The following ROBO2 variants were observed in gnomAD, a reference collection of about 807,000 sequenced individuals.
ROBO2 encodes the protein roundabout homolog 2.
ROBO2 carries 53 observed loss-of-function variants against 160.8 expected under a neutral mutation model. The observed-to-expected ratio is 0.33, with a 90% CI of 0.26 to 0.41. The LOEUF is 0.41. Ranked by LOEUF, ROBO2 falls within the 10% of genes least tolerant of loss-of-function variation. The probability of loss-of-function intolerance (pLI) is 1.00; values close to 1 mark genes in which losing one functional copy is unlikely to be tolerated. For missense variants in ROBO2, 1,577 were observed against 1,722.4 expected (o/e 0.92, Z 1.49); for synonymous variants, 664 against 611.7 (o/e 1.09, Z -1.26).
In ROBO2 at chr3:76,084,094, C is replaced by T. The variant is rs370354482; in HGVS notation, c.109+146492C>T. ...AATGGAATTCCTAGGAAAAAGCAGA[C>T]ACTTTTGTGCTCTTTCGTGAGGGAA... On this transcript the variant is annotated intron_variant, in intron 2 of 26. Transcript: ENST00000487694. Among the ~76,000 whole-genome samples, 22 of 152,232 alleles carry T rather than the reference C, an allele frequency of 1.4e-4. No homozygotes were observed. The South Asian group carries it at 3.9e-3, about 27-fold the overall frequency.
intron 2 of ROBO2, among the ~76,000 whole-genome samples, chr3:77,221,572 A>G (rs1205887364): frequency 6.6e-6 from 1 of 152,060 alleles, no homozygotes; most frequent in Non-Finnish European, 1.5e-5. Flanking sequence ...GTCTCTCCCT[A>G]GATTGATCTT....
intron 2 of ROBO2, among the ~76,000 whole-genome samples, chr3:76,189,361 A>T (rs1701905168): frequency 6.6e-6 from 1 of 152,150 alleles, no homozygotes; most frequent in Non-Finnish European, 1.5e-5. Context: ...ATTAATGAGG[A>T]TAAAGAGTAG....
intron 2 of ROBO2, among the ~76,000 whole-genome samples, chr3:76,370,169 CT>C (rs1208594291): frequency 6.6e-6 from 1 of 150,588 alleles, no homozygotes; most frequent in Non-Finnish European, 1.5e-5. Context: ...ATAAATTTTT[CT>C]TTTTTTTTGG....
intron 2 of ROBO2, among the ~76,000 whole-genome samples, chr3:76,814,116 A>C (rs1005259342): frequency 9.9e-5 from 15 of 152,168 alleles, no homozygotes; most frequent in African/African-American, 3.6e-4. Flanking sequence ...TTAAAAACGA[A>C]GTATCCGTCT....
chr3:76,875,208 C>T (rs553735778), intron 2 of ROBO2, among the ~76,000 whole-genome samples: 2 of 152,240 alleles, frequency 1.3e-5, no homozygotes, highest in East Asian at 1.9e-4. Flanking sequence ...CAACGGGGCA[C>T]CAGTCTTGGA....
At chr3:76,298,725 A>C (rs184000791) in intron 2 of ROBO2, among the ~76,000 whole-genome samples, 2 of 152,318 alleles carry the variant, frequency 1.3e-5, no homozygotes, top group African/African-American at 2.4e-5. Context: ...TAATTAAATA[A>C]CTTAACCAAG....
chr3:75,977,789 T>A (rs1466765479), intron 2 of ROBO2, among the ~76,000 whole-genome samples: 1 of 151,550 alleles, frequency 6.6e-6, no homozygotes. Context: ...TACATTATTT[T>A]CTGCTATTGA....
At chr3:76,823,990 CA>C (rs2066348753) in intron 2 of ROBO2, among the ~76,000 whole-genome samples, 1 of 152,126 alleles carries the variant, frequency 6.6e-6, no homozygotes, top group Non-Finnish European at 1.5e-5. Context: ...CGGAGGTGAG[CA>C]ATCCTGGTTT....
intron 2 of ROBO2, among the ~76,000 whole-genome samples, chr3:76,377,067 G>T (rs1381838726): frequency 2.0e-5 from 3 of 152,138 alleles, no homozygotes; most frequent in Non-Finnish European, 2.9e-5. Flanking sequence ...GTAGGCCCGG[G>T]TTGGGCTGGT....
intron 2 of ROBO2, among the ~76,000 whole-genome samples, chr3:76,475,084 T>C (rs1003911808): frequency 6.6e-6 from 1 of 151,020 alleles, no homozygotes; most frequent in African/African-American, 2.4e-5. Context: ...TTTTAAACAC[T>C]AGCTAGTTGA....
chr3:76,173,546 T>C (rs1169546328), intron 2 of ROBO2, among the ~76,000 whole-genome samples: 1 of 151,840 alleles, frequency 6.6e-6, no homozygotes, highest in African/African-American at 2.4e-5. Flanking sequence ...CAATGTGCGA[T>C]ATTCCGCTTC....
At chr3:76,262,878 A>G (rs928470270) in intron 2 of ROBO2, among the ~76,000 whole-genome samples, 5 of 152,146 alleles carry the variant, frequency 3.3e-5, no homozygotes, top group African/African-American at 7.2e-5. Context: ...CTTCTACCAA[A>G]TTGGTTCCAA....
chr3:76,474,410 A>G (rs552325589), intron 2 of ROBO2, among the ~76,000 whole-genome samples: 32 of 152,240 alleles, frequency 2.1e-4, no homozygotes, highest in African/African-American at 7.5e-4. Flanking sequence ...CTTTCTACAC[A>G]TTTTAAATAA....
intron 2 of ROBO2, among the ~76,000 whole-genome samples, chr3:77,314,074 C>T (rs2063766008): frequency 6.6e-6 from 1 of 152,104 alleles, no homozygotes; most frequent in Admixed American, 6.5e-5. Context: ...GTTCTGGAAG[C>T]TTTTGTATCA....
intron 1 of ROBO2, among the ~76,000 whole-genome samples, chr3:77,082,365 TA>T (rs2068754215): frequency 6.6e-6 from 1 of 152,126 alleles, no homozygotes; most frequent in African/African-American, 2.4e-5. Flanking sequence ...GAAACATCAG[TA>T]CATCAAGGTA....
chr3:77,555,119 CA>C (rs2093064175), intron 8 of ROBO2, among the ~76,000 whole-genome samples: 1 of 151,930 alleles, frequency 6.6e-6, no homozygotes, highest in African/African-American at 2.4e-5. Context: ...ACTCTAGGCT[CA>C]AATGATCATT....
chr3:76,525,448 A>C (rs1358217181), intron 2 of ROBO2, among the ~76,000 whole-genome samples: 1 of 151,944 alleles, frequency 6.6e-6, no homozygotes, highest in Non-Finnish European at 1.5e-5. Flanking sequence ...GGGTTACCTT[A>C]GGCTTAAAGG....
At chr3:77,023,275 C>T in intron 2 of ROBO2, among the ~76,000 whole-genome samples, 1 of 152,156 alleles carries the variant, frequency 6.6e-6, no homozygotes, top group South Asian at 2.1e-4. Flanking sequence ...TTTCTCCTCC[C>T]ACCATGATTG....
In ROBO2 at chr3:76,198,027, A is replaced by G. The variant is rs141850277; in HGVS notation, c.109+260425A>G. 3.3e-3 allele frequency among the ~76,000 whole-genome samples: 500 copies of G among 152,294 alleles called. 2 individuals carry two copies. Among genetic ancestry groups the G allele is most frequent in the African/African-American group, 0.012 (480 of 41,560 alleles). Reference sequence around the variant, plus strand: ...GAATCTCACTGTAAACCAAAGTACAACTGTAAGCACCCCAACCGACTAAAC... The same window carrying G: ...GAATCTCACTGTAAACCAAAGTACAGCTGTAAGCACCCCAACCGACTAAAC... On this transcript the variant is annotated intron_variant, in intron 2 of 26. Coordinates refer to the ROBO2 transcript ENST00000487694.
Sources: gnomAD v4.1 joint callset for allele counts (sites outside exome capture counted in the v4.1 genomes callset) on GRCh38, gnomAD v4.1.1 for gene constraint, MANE v1.5 for transcripts, NCBI Gene and HGNC (gene_info 2026-07-23, HGNC 2026-07-21) for gene names.